GPRC5B: variants seen among roughly 807,000 people sequenced by gnomAD.
The protein encoded by GPRC5B is G protein-coupled receptor class C group 5 member B.
In GPRC5B, 16 loss-of-function variants were observed where a neutral mutation model predicts 30.1. The ratio of observed to expected loss-of-function variants is 0.53; its 90% CI spans 0.36 to 0.81. The LOEUF (loss-of-function observed/expected upper bound fraction) is 0.81, where lower values mean the gene tolerates loss of function less well. Ranked by LOEUF, GPRC5B falls within the 30% of genes least tolerant of loss-of-function variation. The pLI, the probability that GPRC5B is intolerant of heterozygous loss-of-function variation, is 0.01. For synonymous variants in GPRC5B, 241 were observed against 239.5 expected (o/e 1.01, Z -0.06); for missense variants, 428 against 544.7 (o/e 0.79, Z 2.13).
intron 1 of GPRC5B, among the ~76,000 whole-genome samples, chr16:19,875,162 A>T (rs2056751389): frequency 1.3e-5 from 2 of 152,220 alleles, no homozygotes; most frequent in African/African-American, 2.4e-5. Context: ...ATGTTACTGA[A>T]GGAAAAGGTG....
chr16:19,877,408 C>G (rs375724161), intron 1 of GPRC5B, among the ~76,000 whole-genome samples: 23 of 152,204 alleles, frequency 1.5e-4, no homozygotes, highest in South Asian at 2.1e-4. Flanking sequence ...CACCACTTGT[C>G]TCAAGTGGGT....
intron 2 of GPRC5B, among the ~76,000 whole-genome samples, chr16:19,868,470 G>A (rs2056684431): frequency 6.6e-6 from 1 of 152,180 alleles, no homozygotes; most frequent in Admixed American, 6.6e-5. Flanking sequence ...GAGGGAGTTT[G>A]GGCCAGCAGA....
chr16:19,861,548 G>T (rs1190228876), intron 3 of GPRC5B, among the ~76,000 whole-genome samples: 1 of 152,064 alleles, frequency 6.6e-6, no homozygotes, highest in African/African-American at 2.4e-5. Context: ...CACCTCCCAG[G>T]GACAGAGTGA....
chr16:19,871,917 G>A lies in GPRC5B; in HGVS notation c.929C>T (p.Thr310Met), dbSNP rs749187832. The A allele has an allele frequency of 9.9e-6, 16 of 1,614,034 alleles. No individual in the cohort carries two copies. In the Middle Eastern group the frequency reaches 4.9e-4, roughly 50 times the overall value. The change falls in exon 2 of 4, where the codon ACG becomes ATG. Residue 310 changes from threonine to methionine, a missense_variant. Thr to Met is a moderately conservative substitution (Grantham distance 81). Transcript: ENST00000300571. ...LQENTPNYFD[T>M]SQPRMRETAF... ...CGTCTCCCGCATCCTGGGCTGCGAC[G>A]TGTCGAAGTAGTTGGGCGTGTTCTC... is the stretch of plus-strand genomic sequence containing the variant.
intron 2 of GPRC5B, among the ~76,000 whole-genome samples, chr16:19,867,445 T>A (rs1023152701): frequency 5.3e-5 from 8 of 152,198 alleles, no homozygotes; most frequent in Non-Finnish European, 1.2e-4. Flanking sequence ...ATGCTCAGAA[T>A]GATACCGGGC....
chr16:19,885,211 G>A (rs2056841362), upstream of GPRC5B: 4 of 1,288,470 alleles, frequency 3.1e-6, no homozygotes, highest in Non-Finnish European at 3.0e-6. The surrounding 1 kb of genome is among the most constrained non-coding windows in gnomAD (Gnocchi z 5.3). Flanking sequence ...ACCGAGGGAG[G>A]TATCGCGACC....
intron 1 of GPRC5B, among the ~76,000 whole-genome samples, chr16:19,875,113 T>G (rs1380105919): frequency 6.6e-6 from 1 of 152,208 alleles, no homozygotes; most frequent in African/African-American, 2.4e-5. Flanking sequence ...TCTCAGATCC[T>G]GCCCTGGCTG....
rs865833711 is a variant in GPRC5B, at chr16:19,872,803, G to A, written c.43C>T (p.Leu15Phe). Reference sequence around the variant, plus strand: ...ATCACGAAGAGCAGGAGGAAGGTGAGCACCTGGTGAGCTCTCATCTTTCTC... The same window carrying A: ...ATCACGAAGAGCAGGAGGAAGGTGAACACCTGGTGAGCTCTCATCTTTCTC... ...SERKMRAHQVLTFLLLFVITS... is the reference protein window; with the variant it reads ...SERKMRAHQVFTFLLLFVITS... Residue 15 changes from leucine (L) to phenylalanine (F), a missense_variant, in exon 2 of 4, where the codon CTC becomes TTC. By Grantham distance (22) the Leu-to-Phe change is conservative. Transcript: ENST00000300571. This position sits in a 1 kb window ranked among gnomAD's most constrained non-coding sequence, Gnocchi z 5.0. 2 of 1,613,768 alleles carry A rather than the reference G, an allele frequency of 1.2e-6. No homozygotes were observed. The highest frequency in any genetic ancestry group is 1.6e-4 in the Middle Eastern group (1 of 6,062).
intron 1 of GPRC5B, among the ~76,000 whole-genome samples, chr16:19,874,275 A>C (rs532964878): frequency 6.6e-6 from 1 of 151,968 alleles, no homozygotes; most frequent in African/African-American, 2.4e-5. Flanking sequence ...GGCCTAACCC[A>C]AGTCTCCTCT....
Position 19,872,704 on chromosome 16 carries a change from G to A in GPRC5B, c.142C>T (p.Leu48=), listed in dbSNP as rs1184824193. The A allele has an allele frequency of 6.2e-7, 1 of 1,613,882 alleles. No individual in the cohort carries two copies. The highest frequency in any genetic ancestry group is 8.5e-7 in the Non-Finnish European group (1 of 1,180,046). ...GLDLLPQYVS[L]CDLDAIWGIV... ...CCCCAGATGGCGTCCAGGTCGCACA[G>A]GGACACGTACTGAGGGAGGAGGTCC... The change falls in exon 2 of 4, where the codon CTG becomes TTG. Residue 48 remains leucine, a synonymous_variant. Transcript: ENST00000300571. The surrounding 1 kb of genome is among the most constrained non-coding windows in gnomAD (Gnocchi z 5.0).
chr16:19,880,803 A>T (rs535012271), intron 1 of GPRC5B, among the ~76,000 whole-genome samples: 1 of 152,302 alleles, frequency 6.6e-6, no homozygotes, highest in Admixed American at 6.5e-5. Context: ...CACTCACGGG[A>T]AAGGAGACAT....
intron 1 of GPRC5B, among the ~76,000 whole-genome samples, chr16:19,878,567 T>C (rs2056778694): frequency 6.6e-6 from 1 of 152,146 alleles, no homozygotes; most frequent in Non-Finnish European, 1.5e-5. Flanking sequence ...GTTCTGGGAT[T>C]ACAGGCGTGA....
At position 19,858,593 on chromosome 16, in the gene GPRC5B, G is replaced by C; in HGVS notation, c.*1907C>G. On this transcript the variant is annotated 3_prime_UTR_variant, in exon 4 of 4. Coordinates refer to ENST00000300571, the MANE Select transcript of GPRC5B (RefSeq NM_016235.3). Reference sequence around the variant, plus strand: ...TGTCGTTTTTTCACCGGACAGGACCGAGGTGTTTGAAGATTTCTTTCTTTT... The same window carrying C: ...TGTCGTTTTTTCACCGGACAGGACCCAGGTGTTTGAAGATTTCTTTCTTTT... 1.6e-6 allele frequency: 1 copy of C among 607,620 alleles called. No individual in the cohort carries two copies. Among genetic ancestry groups the C allele is most frequent in the Non-Finnish European group, 3.0e-6 (1 of 335,476 alleles). The allele number at this position is 607,620 out of a possible 1,614,324, so 37.6% of individuals were successfully genotyped here.
Position 19,856,799 on chromosome 16 carries a change from G to GATACGGCGACCA in GPRC5B, c.*3700_*3701insTGGTCGCCGTAT. 2 of 464,206 alleles carry GATACGGCGACCA rather than the reference G, an allele frequency of 4.3e-6. No homozygotes were observed. Among genetic ancestry groups the GATACGGCGACCA allele is most frequent in the Admixed American group, 3.9e-5 (1 of 25,672 alleles). 28.8% of individuals were successfully genotyped at this position (464,206 alleles called of 1,614,324 possible). On this transcript the variant is annotated 3_prime_UTR_variant, in exon 4 of 4. Transcript: ENST00000300571. ...CATTCATCCAGATTACTTCTTCAGT[G>GATACGGCGACCA]CCTCAGGAGTATTCTTCTACACCAG...
chr16:19,875,763 A>G (rs2056755411), intron 1 of GPRC5B, among the ~76,000 whole-genome samples: 1 of 152,166 alleles, frequency 6.6e-6, no homozygotes, highest in South Asian at 2.1e-4. Context: ...TGGGCAACAG[A>G]GCAAGACTCT....
chr16:19,882,554 A>G (rs2056815697), intron 1 of GPRC5B, among the ~76,000 whole-genome samples: 1 of 152,164 alleles, frequency 6.6e-6, no homozygotes, highest in Non-Finnish European at 1.5e-5. Context: ...GTGGCTGGCT[A>G]GGCTCAAAGC....
At chr16:19,876,161 T>C (rs766290351) in intron 1 of GPRC5B, among the ~76,000 whole-genome samples, 4 of 152,212 alleles carry the variant, frequency 2.6e-5, no homozygotes, top group Non-Finnish European at 4.4e-5. Flanking sequence ...CTACCACCGA[T>C]TCCCCAACCC....
intron 1 of GPRC5B, among the ~76,000 whole-genome samples, chr16:19,875,142 T>C (rs935359796): frequency 7.2e-5 from 11 of 152,318 alleles, no homozygotes; most frequent in Non-Finnish European, 1.0e-4. Flanking sequence ...TCCAGTGGCA[T>C]AAATTATTGA....
rs1208707002 is a variant in GPRC5B at position 19,858,087 on chromosome 16, G to T, written c.*2413C>A. 6.1e-6 allele frequency: 1 copy of T among 162,704 alleles called. No individual in the cohort carries two copies. Among genetic ancestry groups the T allele is most frequent in the African/African-American group, 2.4e-5 (1 of 41,938 alleles). The allele number at this position is 162,704 out of a possible 1,614,324, so 10.1% of individuals were successfully genotyped here. ...TTACACACGCAGATCTTAAACAGAG[G>T]TGCCATTTAATTTTGTCTTTAAACC... On this transcript the variant is annotated 3_prime_UTR_variant, in exon 4 of 4. Coordinates refer to ENST00000300571, the MANE Select transcript of GPRC5B (RefSeq NM_016235.3).
Sources: allele counts gnomAD v4.1 joint callset (sites outside exome capture counted in the v4.1 genomes callset), GRCh38; gene constraint gnomAD v4.1.1; non-coding constraint Gnocchi (gnomAD v3.1); transcripts MANE v1.5; gene names NCBI Gene and HGNC (gene_info 2026-07-23, HGNC 2026-07-21).